WFIKKN2: variants seen among roughly 807,000 people sequenced by gnomAD.
The protein encoded by WFIKKN2 is WAP, follistatin/kazal, immunoglobulin, kunitz and netrin domain containing 2.
In WFIKKN2, 25 loss-of-function variants were observed where a neutral mutation model predicts 39.2. The ratio of observed to expected loss-of-function variants is 0.64; its 90% CI spans 0.47 to 0.89. The LOEUF (loss-of-function observed/expected upper bound fraction) is 0.89, where lower values mean the gene tolerates loss of function less well. Ranked by LOEUF, WFIKKN2 falls within the 40% of genes least tolerant of loss-of-function variation. WFIKKN2 has a pLI of 0.00. For missense variants in WFIKKN2, 770 were observed against 811.7 expected, an observed-to-expected ratio of 0.95 and a Z score of 0.62; for synonymous variants, 345 against 329.7, an observed-to-expected ratio of 1.05 and a Z score of -0.50.
rs1339861171 is a variant in WFIKKN2, at chr17:50,839,895, C to G, written c.607C>G (p.Pro203Ala). Residue 203 changes from proline (P) to alanine (A), a missense_variant, in exon 2 of 2, where the codon CCT becomes GCT. Transcript: ENST00000311378. ...MHPTTASPETPELDMAAPALL... is the reference protein window; with the variant it reads ...MHPTTASPETAELDMAAPALL... ...CCCCACCACAGCCTCCCCAGAGACC[C>G]CTGAGCTGGACATGGCGGCCCCTGC... 1 of 1,614,066 alleles carries G rather than the reference C, an allele frequency of 6.2e-7. No homozygotes were observed. The highest frequency in any genetic ancestry group is 8.5e-7 in the Non-Finnish European group (1 of 1,180,038).
At chr17:50,839,279 C>T (rs556046340) in intron 1 of WFIKKN2, among the ~76,000 whole-genome samples, 2 of 152,344 alleles carry the variant, frequency 1.3e-5, no homozygotes, top group South Asian at 2.1e-4. Flanking sequence ...CCACCTCTGG[C>T]TTGTGATGAG....
chr17:50,840,865 C>G lies in WFIKKN2; in HGVS notation c.1577C>G (p.Pro526Arg). ...PCPNVTVSEM[P>R]LIIMGEVDGG... ...CCCAACGTGACCGTGAGCGAGATGC[C>G]GCTCATCATCATGGGGGAGGTGGAC... Residue 526 changes from proline (P) to arginine (R), a missense_variant, in exon 2 of 2, where the codon CCG becomes CGG. Pro to Arg is a moderately radical substitution (Grantham distance 103, BLOSUM62 -2). Coordinates refer to ENST00000311378, the MANE Select transcript of WFIKKN2 (RefSeq NM_175575.6). 6.2e-7 allele frequency: 1 copy of G among 1,610,198 alleles called. No individual in the cohort carries two copies.
chr17:50,836,050 T>G lies in WFIKKN2; in HGVS notation c.113T>G (p.Ile38Ser). Residue 38 changes from isoleucine to serine, a missense_variant, in exon 1 of 2, where the codon ATC becomes AGC. By Grantham distance (142) the Ile-to-Ser change is moderately radical. Transcript: ENST00000311378. ...VPPRSLALPP[I>S]RYSHAGICPN... Reference sequence around the variant, plus strand: ...CCGCGAAGCCTGGCGCTGCCGCCCATCCGCTATTCCCACGCCGGCATCTGC... The same window carrying G: ...CCGCGAAGCCTGGCGCTGCCGCCCAGCCGCTATTCCCACGCCGGCATCTGC... The G allele has an allele frequency of 6.2e-7, 1 of 1,604,722 alleles. No individual in the cohort carries two copies. Among genetic ancestry groups the G allele is most frequent in the Non-Finnish European group, 8.5e-7 (1 of 1,175,906 alleles).
Position 50,841,142 on chromosome 17 carries a change from G to A in WFIKKN2, c.*123G>A, listed in dbSNP as rs1597982687. 18 of 1,027,666 alleles carry A rather than the reference G, an allele frequency of 1.8e-5. No individual in the cohort carries two copies. Among genetic ancestry groups the A allele is most frequent in the East Asian group, 1.3e-4 (5 of 37,588 alleles). The allele number at this position is 1,027,666 out of a possible 1,614,324, so 63.7% of individuals were successfully genotyped here. On this transcript the variant is annotated 3_prime_UTR_variant, in exon 2 of 2. Transcript: ENST00000311378. ...GGACAGCAGGGAAACATCAACCGAC[G>A]TGTCACAGAAAAAGCCACAGAAGGT...
chr17:50,838,805 G>T (rs1184887302), intron 1 of WFIKKN2, among the ~76,000 whole-genome samples: 1 of 152,142 alleles, frequency 6.6e-6, no homozygotes, highest in East Asian at 1.9e-4. Flanking sequence ...ATCGATCTGG[G>T]CCCTCTCACA....
At chr17:50,838,295 AG>A (rs1001032025) in intron 1 of WFIKKN2, among the ~76,000 whole-genome samples, 1 of 152,214 alleles carries the variant, frequency 6.6e-6, no homozygotes, top group African/African-American at 2.4e-5. Flanking sequence ...CGAAACGGGT[AG>A]AACAGTAAAC....
chr17:50,839,357 A>T, intron 1 of WFIKKN2, 142 bp from the exon 2 acceptor site: 1 of 752,676 alleles, frequency 1.3e-6, no homozygotes, highest in Non-Finnish European at 2.1e-6. Context: ...CTACGTATGC[A>T]TTCGTTATTA....
Position 50,841,097 on chromosome 17 carries a change from G to A in WFIKKN2, c.*78G>A. The A allele has an allele frequency of 7.1e-7, 1 of 1,408,904 alleles. No homozygotes were observed. 87.3% of individuals were successfully genotyped at this position (1,408,904 alleles called of 1,614,324 possible). A position where few individuals can be genotyped will look rare whatever the true frequency, so the allele number is the denominator to read the frequency against. ...CAATGCCTCTCAGCAAACTGGGCGA[G>A]GTCAGATTAGACAGGCTTGGGACAG... On this transcript the variant is annotated 3_prime_UTR_variant, in exon 2 of 2. Transcript: ENST00000311378.
At chr17:50,839,266 T>C (rs1452760669) in intron 1 of WFIKKN2, among the ~76,000 whole-genome samples, 3 of 152,230 alleles carry the variant, frequency 2.0e-5, no homozygotes, top group Non-Finnish European at 4.4e-5. Context: ...ATAATGGCTA[T>C]ACCCACCTCT....
At position 50,836,012 on chromosome 17, in the gene WFIKKN2, G is replaced by A. The variant is rs1295164784; in HGVS notation, c.75G>A (p.Leu25=). The change falls in exon 1 of 2, where the codon CTG becomes CTA. Residue 25 remains leucine (L), a synonymous_variant. Coordinates refer to ENST00000311378, the MANE Select transcript of WFIKKN2 (RefSeq NM_175575.6). The part of the protein sequence containing the change: ...QVAALLLLLL[L]LGVPPRSLAL... ...CAGCGCTGCTGCTGCTGCTGCTACTGCTCGGGGTGCCCCCGCGAAGCCTGG... is the reference window on the plus strand; with the variant it reads ...CAGCGCTGCTGCTGCTGCTGCTACTACTCGGGGTGCCCCCGCGAAGCCTGG... 1 of 1,602,810 alleles carries A rather than the reference G, an allele frequency of 6.2e-7. No individual in the cohort carries two copies. The highest frequency in any genetic ancestry group is 1.7e-5 in the Admixed American group (1 of 58,026).
At chr17:50,837,853 G>C (rs1034973182) in intron 1 of WFIKKN2, among the ~76,000 whole-genome samples, 6 of 152,246 alleles carry the variant, frequency 3.9e-5, no homozygotes, top group Non-Finnish European at 5.9e-5. Flanking sequence ...GCAGGCACAG[G>C]CTGGCCTGAT....
Position 50,841,089 on chromosome 17 carries a change from C to T in WFIKKN2, c.*70C>T, listed in dbSNP as rs1460243666. The stretch of plus-strand genomic sequence containing the variant: ...ATCCACCCCAATGCCTCTCAGCAAA[C>T]TGGGCGAGGTCAGATTAGACAGGCT... On this transcript the variant is annotated 3_prime_UTR_variant, in exon 2 of 2. Transcript: ENST00000311378. The T allele has an allele frequency of 7.0e-6, 10 of 1,430,576 alleles. No homozygotes were observed. The highest frequency in any genetic ancestry group is 9.3e-6 in the Non-Finnish European group (10 of 1,078,504). The allele number at this position is 1,430,576 out of a possible 1,614,324, so 88.6% of individuals were successfully genotyped here. A position where few individuals can be genotyped will look rare whatever the true frequency, so the allele number is the denominator to read the frequency against.
rs779415774 is a variant in WFIKKN2, at chr17:50,840,161, C to T, written c.873C>T (p.Asn291=). The change falls in exon 2 of 2, where the codon AAC becomes AAT. Residue 291 remains asparagine, a synonymous_variant. Coordinates refer to ENST00000311378, the MANE Select transcript of WFIKKN2 (RefSeq NM_175575.6). Reference sequence around the variant, plus strand: ...GGATCTACACCTGCACGGCCCGGAACGTGGCTGGGGTCCTGAGGGCTGATT... The same window carrying T: ...GGATCTACACCTGCACGGCCCGGAATGTGGCTGGGGTCCTGAGGGCTGATT... ...DAGIYTCTAR[N]VAGVLRADFP... 44 of 1,613,792 alleles carry T rather than the reference C, an allele frequency of 2.7e-5. No homozygotes were observed. The highest frequency in any genetic ancestry group is 1.6e-4 in the Middle Eastern group (1 of 6,084).
intron 1 of WFIKKN2, among the ~76,000 whole-genome samples, chr17:50,838,632 C>A (rs566805718): frequency 6.6e-6 from 1 of 152,248 alleles, no homozygotes; most frequent in Non-Finnish European, 1.5e-5. Context: ...GGCAAGTCCT[C>A]GCTGACGGCC....
chr17:50,835,886 C>T lies in WFIKKN2; in HGVS notation c.-52C>T. 14 of 1,573,742 alleles carry T rather than the reference C, an allele frequency of 8.9e-6. No homozygotes were observed. Among genetic ancestry groups the T allele is most frequent in the Non-Finnish European group, 1.1e-5 (13 of 1,157,646 alleles). On this transcript the variant is annotated 5_prime_UTR_variant, in exon 1 of 2. Transcript: ENST00000311378. ...CCTGAGAAGAAGGCCCTGGTGGGCC[C>T]CAGACCCTGGCATCGTTTCAGGGGA...
rs1177231418 is a variant in WFIKKN2 at position 50,840,589 on chromosome 17, A to G, written c.1301A>G (p.Glu434Gly). The change falls in exon 2 of 2, where the codon GAG becomes GGG. Residue 434 changes from glutamate (E) to glycine (G), a missense_variant. Glu to Gly is a moderately conservative substitution (Grantham distance 98). Transcript: ENST00000311378. ...TTTGAGAGCCGTGAGGCCTGTGAGG[A>G]GTCGTGCCCCTTCCCCAGGGGGAAC... ...NNFESREACE[E>G]SCPFPRGNQR... 1 of 1,613,978 alleles carries G rather than the reference A, an allele frequency of 6.2e-7. No individual in the cohort carries two copies. The highest frequency in any genetic ancestry group is 1.1e-5 in the South Asian group (1 of 91,090).
At position 50,841,003 on chromosome 17, in the gene WFIKKN2, T is replaced by G. The variant is rs777064851; in HGVS notation, c.1715T>G (p.Phe572Cys). ...AAGACCTGTGACGTCCTCAAGGAGT[T>G]TCTTGGCTTGCACTGAAGCCCCCCA... The part of the protein sequence containing the change: ...HKKTCDVLKE[F>C]LGLH The change falls in exon 2 of 2, where the codon TTT (phenylalanine) becomes TGT (cysteine). Residue 572 changes from phenylalanine to cysteine, a missense_variant. Coordinates refer to ENST00000311378, the MANE Select transcript of WFIKKN2 (RefSeq NM_175575.6). 1 of 1,537,340 alleles carries G rather than the reference T, an allele frequency of 6.5e-7. No homozygotes were observed. The highest frequency in any genetic ancestry group is 8.8e-7 in the Non-Finnish European group (1 of 1,140,242).
chr17:50,840,089 C>A lies in WFIKKN2; in HGVS notation c.801C>A (p.Thr267=), dbSNP rs1418406447. 6.2e-7 allele frequency: 1 copy of A among 1,614,136 alleles called. No homozygotes were observed. The highest frequency in any genetic ancestry group is 8.5e-7 in the Non-Finnish European group (1 of 1,180,052). The change falls in exon 2 of 2, where the codon ACC becomes ACA. Residue 267 remains threonine (T), a synonymous_variant. Coordinates refer to ENST00000311378, the MANE Select transcript of WFIKKN2 (RefSeq NM_175575.6). The part of the protein sequence containing the change: ...PNHVRGNVVV[T]NIAQLVIYNA... ...ATGTGCGTGGCAACGTGGTGGTCACCAACATTGCCCAGCTGGTCATCTATA... is the reference window on the plus strand; with the variant it reads ...ATGTGCGTGGCAACGTGGTGGTCACAAACATTGCCCAGCTGGTCATCTATA...
chr17:50,840,484 C>T lies in WFIKKN2; in HGVS notation c.1196C>T (p.Ala399Val), dbSNP rs144416262. Residue 399 changes from alanine to valine, a missense_variant, in exon 2 of 2, where the codon GCG (alanine) becomes GTG (valine). By Grantham distance (64) the Ala-to-Val change is moderately conservative (BLOSUM62 0). Coordinates refer to ENST00000311378, the MANE Select transcript of WFIKKN2 (RefSeq NM_175575.6). Reference protein sequence around the residue: ...PALQGPCKAYAPRWAYNSQTG... With the variant: ...PALQGPCKAYVPRWAYNSQTG... ...CTGCAGGGGCCCTGCAAAGCCTACGCGCCTCGCTGGGCTTACAACAGCCAG... is the reference window on the plus strand; with the variant it reads ...CTGCAGGGGCCCTGCAAAGCCTACGTGCCTCGCTGGGCTTACAACAGCCAG... 5.2e-5 allele frequency: 84 copies of T among 1,613,784 alleles called. No homozygotes were observed. The highest frequency in any genetic ancestry group is 1.6e-4 in the Middle Eastern group (1 of 6,078).
Sources: gnomAD v4.1 joint callset for allele counts (sites outside exome capture counted in the v4.1 genomes callset) on GRCh38, gnomAD v4.1.1 for gene constraint, MANE v1.5 for transcripts, NCBI Gene and HGNC (gene_info 2026-07-23, HGNC 2026-07-21) for gene names.